The following CLDN16 variants were observed in gnomAD, a reference collection of about 807,000 sequenced individuals.
CLDN16 encodes claudin 16.
CLDN16 carries 13 observed loss-of-function variants against 24.6 expected under a neutral mutation model. That is an observed-to-expected ratio of 0.53 (90% confidence interval 0.34 to 0.84). CLDN16 has a LOEUF of 0.84. CLDN16 is among the 40% of genes least tolerant of loss of function. The probability of loss-of-function intolerance (pLI) is 0.01; values close to 1 mark genes in which losing one functional copy is unlikely to be tolerated. For missense variants in CLDN16, 298 were observed against 292.7 expected, an observed-to-expected ratio of 1.02 and a Z score of -0.13; for synonymous variants, 116 against 106.7, an observed-to-expected ratio of 1.09 and a Z score of -0.54.
chr3:190,293,714 G>A, the CLDN16 span, among the ~76,000 whole-genome samples: 1 of 152,186 alleles, frequency 6.6e-6, no homozygotes, highest in African/African-American at 2.4e-5. Context: ...ATTGGACATA[G>A]CGTATGAGAC....
upstream of CLDN16, chr3:190,322,195 C>T: frequency 6.2e-7 from 1 of 1,613,820 alleles, no homozygotes; most frequent in Non-Finnish European, 8.5e-7. Flanking sequence ...GCTGCAGCCC[C>T]GCGTTGGCCA....
intron 3 of CLDN16, among the ~76,000 whole-genome samples, chr3:190,377,880 T>C (rs1352250502): frequency 2.6e-5 from 4 of 151,990 alleles, no homozygotes; most frequent in Admixed American, 6.6e-5. Flanking sequence ...TATTTATTCA[T>C]CTGTAAAAGG....
intron 1 of CLDN16, among the ~76,000 whole-genome samples, chr3:190,361,694 C>T (rs1717890083): frequency 6.6e-6 from 1 of 151,704 alleles, no homozygotes; most frequent in Admixed American, 6.6e-5. Flanking sequence ...AGCTTCCCTT[C>T]TAACAAAAAG....
chr3:190,338,199 C>T (rs549521875), intron 1 of CLDN16, among the ~76,000 whole-genome samples: 1 of 152,192 alleles, frequency 6.6e-6, no homozygotes, highest in South Asian at 2.1e-4. Context: ...GCCTGTGGAT[C>T]CAGAGGTCCC....
chr3:190,326,834 A>T (rs1208407399), intron 1 of CLDN16, among the ~76,000 whole-genome samples: 1 of 152,200 alleles, frequency 6.6e-6, no homozygotes, highest in African/African-American at 2.4e-5. Flanking sequence ...CCTTGAAACA[A>T]GGTGCTGAAT....
Position 190,410,036 on chromosome 3 carries a change from A to G in CLDN16, c.708A>G (p.Ter236=). ...AKMYAVDTRV[*] ...TGTATGCTGTAGACACAAGGGTGTAAAATGCACGTTTCAGGGTGTGTTTGC... is the reference window on the plus strand; with the variant it reads ...TGTATGCTGTAGACACAAGGGTGTAGAATGCACGTTTCAGGGTGTGTTTGC... The change falls in exon 5 of 5, where the codon TAA becomes TAG. Residue 236 remains the stop codon, a stop_retained_variant. Transcript: ENST00000264734. 6.2e-7 allele frequency: 1 copy of G among 1,614,132 alleles called. No homozygotes were observed. Among genetic ancestry groups the G allele is most frequent in the Non-Finnish European group, 8.5e-7 (1 of 1,180,008 alleles).
the CLDN16 span, among the ~76,000 whole-genome samples, chr3:190,301,557 C>A: frequency 3.3e-5 from 5 of 152,018 alleles, no homozygotes; most frequent in African/African-American, 1.2e-4. Flanking sequence ...AATGAAATTT[C>A]TGACTTTTTT....
chr3:190,323,016 A>ACACACACACACACACACACC (rs1716974704), intron 1 of CLDN16, among the ~76,000 whole-genome samples: 1 of 149,536 alleles, frequency 6.7e-6, no homozygotes, highest in Non-Finnish European at 1.5e-5. Context: ...ACACACACAC[A>ACACACACACACACACACACC]CACACACACA....
At chr3:190,363,552 G>GCA (rs1717946530) in intron 1 of CLDN16, among the ~76,000 whole-genome samples, 1 of 12,132 alleles carries the variant, frequency 8.2e-5, no homozygotes, top group South Asian at 2.1e-3. Context: ...GTGTGTGTGT[G>GCA]TGTGTATATA....
Position 190,408,510 on chromosome 3 carries a change from G to A in CLDN16, c.574+5G>A. 6.2e-7 allele frequency: 1 copy of A among 1,613,168 alleles called. No homozygotes were observed. On this transcript the variant is annotated splice_donor_5th_base_variant and intron_variant, in intron 4 of 4. Transcript: ENST00000264734. ...GCTGCTTATATCTTTTTAAAGGTAA[G>A]AATAAAATAAAATAGCAAATTTCCT... is the stretch of plus-strand genomic sequence containing the variant.
chr3:190,345,533 T>A (rs1398220546), intron 1 of CLDN16, among the ~76,000 whole-genome samples: 1 of 152,192 alleles, frequency 6.6e-6, no homozygotes, highest in East Asian at 1.9e-4. Flanking sequence ...GAGCCTCTTC[T>A]TTCAGTTGTG....
In CLDN16 at chr3:190,408,526, C is replaced by T. The variant is rs547970601; in HGVS notation, c.574+21C>T. 2.5e-6 allele frequency: 4 copies of T among 1,605,542 alleles called. 1 individual carries two copies. Among genetic ancestry groups the T allele is most frequent in the Admixed American group, 1.7e-5 (1 of 59,954 alleles). ...TAAAGGTAAGAATAAAATAAAATAGCAAATTTCCTTGCCTCCACTATCGTT... is the reference window on the plus strand; with the variant it reads ...TAAAGGTAAGAATAAAATAAAATAGTAAATTTCCTTGCCTCCACTATCGTT... On this transcript the variant is annotated intron_variant, in intron 4 of 4. Coordinates refer to ENST00000264734, the MANE Select transcript of CLDN16 (RefSeq NM_006580.4).
the CLDN16 span, among the ~76,000 whole-genome samples, chr3:190,297,682 T>C: frequency 7.0e-6 from 1 of 142,792 alleles, no homozygotes; most frequent in Non-Finnish European, 1.5e-5. Context: ...ATTATGTAGA[T>C]ATTAATATAT....
intron 2 of CLDN16, among the ~76,000 whole-genome samples, chr3:190,373,414 T>C (rs1291651101): frequency 1.3e-5 from 2 of 151,954 alleles, no homozygotes; most frequent in Non-Finnish European, 2.9e-5. Flanking sequence ...CATATAATTT[T>C]ATGAGTAACT....
At chr3:190,330,640 T>C (rs559916341) in intron 1 of CLDN16, among the ~76,000 whole-genome samples, 2 of 152,254 alleles carry the variant, frequency 1.3e-5, no homozygotes, top group Non-Finnish European at 2.9e-5. Context: ...TGTTATCTCT[T>C]GTAATAACTG....
the CLDN16 span, chr3:190,308,144 G>T: frequency 1.5e-5 from 15 of 1,032,234 alleles, no homozygotes; most frequent in Admixed American, 7.6e-5. Flanking sequence ...TGGGTTTTTT[G>T]TTTGTTTGTT....
At chr3:190,297,505 T>TAC in the CLDN16 span, among the ~76,000 whole-genome samples, 3 of 24,404 alleles carry the variant, frequency 1.2e-4, no homozygotes, top group Admixed American at 6.8e-4. Flanking sequence ...TATTTATATC[T>TAC]ATATATAGAT....
At chr3:190,308,892 A>G in the CLDN16 span, among the ~76,000 whole-genome samples, 1 of 152,198 alleles carries the variant, frequency 6.6e-6, no homozygotes, top group Non-Finnish European at 1.5e-5. Context: ...AGGCACCTAT[A>G]CAATCTGAAA....
At chr3:190,350,343 GTTAT>G (rs988605476) in intron 1 of CLDN16, among the ~76,000 whole-genome samples, 24 of 97,356 alleles carry the variant, frequency 2.5e-4, no homozygotes, top group Admixed American at 1.7e-3. Flanking sequence ...AGTTCATAAT[GTTAT>G]ATATATATAT....
Sources: allele counts gnomAD v4.1 joint callset (sites outside exome capture counted in the v4.1 genomes callset), GRCh38; gene constraint gnomAD v4.1.1; transcripts MANE v1.5; gene names NCBI Gene and HGNC (gene_info 2026-07-23, HGNC 2026-07-21).